Variants in HDAC9 observed in about 807,000 individuals in gnomAD.
HDAC9 encodes MEF-2 interacting transcription repressor (MITR) protein.
A neutral mutation model predicts 139.4 loss-of-function variants in HDAC9; 41 were observed. The observed-to-expected ratio is 0.29, with a 90% CI of 0.23 to 0.38. The LOEUF is 0.38. HDAC9 is among the 10% of genes least tolerant of loss of function. The pLI, the probability that HDAC9 is intolerant of heterozygous loss-of-function variation, is 1.00. For synonymous variants in HDAC9, 517 were observed against 476.2 expected, an observed-to-expected ratio of 1.09 and a Z score of -1.12; for missense variants, 1,147 against 1,297.0, an observed-to-expected ratio of 0.88 and a Z score of 1.78.
At chr7:18,233,463 T>C (rs1584763952) in intron 2 of HDAC9, among the ~76,000 whole-genome samples, 2 of 150,500 alleles carry the variant, frequency 1.3e-5, no homozygotes, top group South Asian at 2.1e-4. Context: ...TCATTCTTTA[T>C]ACTTCAAACA....
intron 2 of HDAC9, among the ~76,000 whole-genome samples, chr7:18,180,265 A>C (rs1051570673): frequency 1.1e-4 from 16 of 151,212 alleles, no homozygotes; most frequent in Non-Finnish European, 2.2e-4. Flanking sequence ...ACACACACAC[A>C]CACACACACC....
intron 2 of HDAC9, among the ~76,000 whole-genome samples, chr7:18,250,065 A>G (rs1443400324): frequency 6.6e-6 from 1 of 152,196 alleles, no homozygotes; most frequent in Non-Finnish European, 1.5e-5. Context: ...GATAAAAACA[A>G]TGGGATCAGT....
At chr7:18,386,730 A>G (rs568841124) in intron 1 of HDAC9, among the ~76,000 whole-genome samples, 18 of 152,318 alleles carry the variant, frequency 1.2e-4, no homozygotes, top group Non-Finnish European at 2.4e-4. Flanking sequence ...TTCTATTGCT[A>G]TAGTTTCAAG....
chr7:18,316,386 G>A (rs1258081531), intron 1 of HDAC9, among the ~76,000 whole-genome samples: 1 of 152,122 alleles, frequency 6.6e-6, no homozygotes, highest in Non-Finnish European at 1.5e-5. Flanking sequence ...TATAAGTATT[G>A]AGAAATATGG....
intron 17 of HDAC9, among the ~76,000 whole-genome samples, chr7:18,812,328 T>C (rs1486351005): frequency 6.6e-6 from 1 of 151,938 alleles, no homozygotes; most frequent in Admixed American, 6.6e-5. Flanking sequence ...TTCCTTTCAA[T>C]CTGAAGTATT....
intron 12 of HDAC9, among the ~76,000 whole-genome samples, chr7:18,710,434 C>G (rs1784259013): frequency 6.6e-6 from 1 of 152,156 alleles, no homozygotes; most frequent in Non-Finnish European, 1.5e-5. Flanking sequence ...ATTATTTTCA[C>G]ATGCTTATAT....
intron 16 of HDAC9, among the ~76,000 whole-genome samples, chr7:18,788,352 C>A (rs1285546766): frequency 6.6e-6 from 1 of 152,152 alleles, no homozygotes; most frequent in Non-Finnish European, 1.5e-5. Flanking sequence ...CTACAGGAAC[C>A]AAGAGCATCT....
intron 24 of HDAC9, among the ~76,000 whole-genome samples, chr7:18,972,573 A>T (rs1427230938): frequency 6.6e-6 from 1 of 151,556 alleles, no homozygotes; most frequent in East Asian, 1.9e-4. Context: ...TAGAGACGGG[A>T]TTTCACCGTG....
At chr7:18,144,375 C>T (rs62449101) in intron 1 of HDAC9, among the ~76,000 whole-genome samples, 22,684 of 152,106 alleles carry the variant, frequency 0.15, 2,215 homozygotes, top group Middle Eastern at 0.22. Flanking sequence ...CAGAAACCTT[C>T]GGGGTTATCT....
rs561233157 is a variant in HDAC9, at chr7:18,222,373, C to G, written c.25+60024C>G. Among the ~76,000 whole-genome samples, 40 of 152,168 alleles carry G rather than the reference C, an allele frequency of 2.6e-4. No homozygotes were observed. The South Asian group carries it at 8.3e-3, about 32-fold the overall frequency. ...CAAGGACCTTATTAAACCTAAGCAA[C>G]GTGTTTTCAAAAGGGCAGGTAGCTG... On this transcript the variant is annotated intron_variant, in intron 2 of 12. Transcript: ENST00000417496.
chr7:18,862,806 G>A (rs1046471376), intron 21 of HDAC9, among the ~76,000 whole-genome samples: 7 of 152,058 alleles, frequency 4.6e-5, no homozygotes, highest in Admixed American at 3.3e-4. Context: ...ATTTTGAGAA[G>A]AATTATGAAG....
chr7:18,917,053 C>G (rs910575506), intron 22 of HDAC9, among the ~76,000 whole-genome samples: 5 of 151,972 alleles, frequency 3.3e-5, no homozygotes, highest in Admixed American at 1.3e-4. Flanking sequence ...AGATGATACA[C>G]TTCAGTTTCA....
chr7:18,668,189 C>G (rs1229545107), intron 12 of HDAC9: 6 of 855,132 alleles, frequency 7.0e-6, no homozygotes, highest in Non-Finnish European at 8.4e-6. Context: ...ATTAACATAA[C>G]TAGAAGTTAG....
intron 2 of HDAC9, among the ~76,000 whole-genome samples, chr7:18,557,174 A>G (rs1819055868): frequency 6.6e-6 from 1 of 151,996 alleles, no homozygotes; most frequent in Non-Finnish European, 1.5e-5. Flanking sequence ...GGTTATTTTT[A>G]AAGCCAGAAG....
chr7:18,285,103 C>T (rs1797351725), intron 2 of HDAC9, among the ~76,000 whole-genome samples: 1 of 152,084 alleles, frequency 6.6e-6, no homozygotes, highest in South Asian at 2.1e-4. Context: ...AGTCTTCACA[C>T]TCTGGGCTTT....
intron 1 of HDAC9, among the ~76,000 whole-genome samples, chr7:18,390,889 G>T (rs1032734661): frequency 6.6e-6 from 1 of 152,182 alleles, no homozygotes; most frequent in African/African-American, 2.4e-5. Context: ...AGTAGTTCAA[G>T]ACCATCCTGG....
chr7:18,179,541 C>T (rs1789217294), intron 2 of HDAC9, among the ~76,000 whole-genome samples: 1 of 152,134 alleles, frequency 6.6e-6, no homozygotes, highest in Non-Finnish European at 1.5e-5. Flanking sequence ...TTCTACCTCT[C>T]TTATATTTCT....
At chr7:18,443,796 G>C (rs927007328) in intron 1 of HDAC9, among the ~76,000 whole-genome samples, 4 of 151,386 alleles carry the variant, frequency 2.6e-5, no homozygotes, top group Non-Finnish European at 4.4e-5. Context: ...CCCTCTCTGT[G>C]TGTGTGTGTA....
At chr7:18,902,784 T>A (rs1357818411) in intron 22 of HDAC9, among the ~76,000 whole-genome samples, 1 of 152,222 alleles carries the variant, frequency 6.6e-6, no homozygotes, top group Non-Finnish European at 1.5e-5. Flanking sequence ...ATCTGAGGAA[T>A]GGAAAAGTTT....
Sources: allele counts gnomAD v4.1 joint callset (sites outside exome capture counted in the v4.1 genomes callset), GRCh38; gene constraint gnomAD v4.1.1; transcripts MANE v1.5; gene names NCBI Gene and HGNC (gene_info 2026-07-23, HGNC 2026-07-21).